Variants in GNG7 observed in about 807,000 individuals in gnomAD.
GNG7 encodes guanine nucleotide-binding protein G(I)/G(S)/G(O) subunit gamma-7.
GNG7 carries 1 observed loss-of-function variant against 4.0 expected under a neutral mutation model. The observed-to-expected ratio is 0.25, with a 90% confidence interval of 0.09 to 1.18. The LOEUF is 1.18. Among genes scored for constraint, GNG7 ranks in the 50% most tolerant of loss-of-function variants. GNG7 has a pLI of 0.50. For missense variants in GNG7, 86 were observed against 91.9 expected (o/e 0.94, Z 0.26); for synonymous variants, 34 against 36.9 (o/e 0.92, Z 0.29).
At chr19:2,547,670 G>C (rs187654697) in intron 3 of GNG7, among the ~76,000 whole-genome samples, 33 of 152,292 alleles carry the variant, frequency 2.2e-4, no homozygotes, top group African/African-American at 7.7e-4. Flanking sequence ...GCCAACCCCA[G>C]CACATCCCAG....
intron 2 of GNG7, among the ~76,000 whole-genome samples, chr19:2,565,833 G>T (rs1238046394): frequency 6.6e-6 from 1 of 152,280 alleles, no homozygotes; most frequent in Non-Finnish European, 1.5e-5. Context: ...TTCTGCAGGG[G>T]ACGGGCGGAA....
intron 1 of GNG7, among the ~76,000 whole-genome samples, chr19:2,669,749 C>A (rs900204238): frequency 2.0e-5 from 3 of 152,142 alleles, no homozygotes; most frequent in Non-Finnish European, 4.4e-5. Context: ...GCGGCTCATG[C>A]CTGTTATCCC....
intron 2 of GNG7, among the ~76,000 whole-genome samples, chr19:2,572,597 C>CT (rs372886442): frequency 0.12 from 16,125 of 132,804 alleles, 1,050 homozygotes; most frequent in East Asian, 0.2. Context: ...GCGCCCGGCC[C>CT]TTTTTTTTTT....
chr19:2,561,484 T>A (rs1303063764), intron 2 of GNG7, among the ~76,000 whole-genome samples: 2 of 152,060 alleles, frequency 1.3e-5, no homozygotes, highest in African/African-American at 4.8e-5. Context: ...CCTCCCCTTG[T>A]CCCTTCCTCT....
intron 2 of GNG7, among the ~76,000 whole-genome samples, chr19:2,612,855 G>A (rs1455315668): frequency 1.3e-5 from 2 of 151,752 alleles, no homozygotes; most frequent in Non-Finnish European, 2.9e-5. Flanking sequence ...ACCACACCCG[G>A]CTAATTTTGT....
chr19:2,538,452 C>T (rs537781092), intron 3 of GNG7: 15 of 294,526 alleles, frequency 5.1e-5, no homozygotes, highest in African/African-American at 1.3e-4. Flanking sequence ...GTGAGACCCC[C>T]GTCTCTGCAA....
intron 2 of GNG7, among the ~76,000 whole-genome samples, chr19:2,595,667 G>A (rs143276166): frequency 0.073 from 11,026 of 150,866 alleles, 1,014 homozygotes; most frequent in East Asian, 0.36. Flanking sequence ...CCCGGGAGGC[G>A]GAGCTTGCAG....
rs1448535332 is a variant in GNG7, at chr19:2,643,155, A to G, written c.-78+3069T>C. Reference sequence around the variant, plus strand: ...TCTGCACACCTTCCCACCCTGCACCATGTGCACCAGAAATGCAAAGTCGGA... The same window carrying G: ...TCTGCACACCTTCCCACCCTGCACCGTGTGCACCAGAAATGCAAAGTCGGA... On this transcript the variant is annotated intron_variant, in intron 2 of 4. Transcript: ENST00000382159. 32 of 441,726 alleles carry G rather than the reference A, an allele frequency of 7.2e-5. No homozygotes were observed. The East Asian group carries it at 1.1e-3, about 16-fold the overall frequency. The allele number at this position is 441,726 out of a possible 1,614,324, so 27.4% of individuals were successfully genotyped here.
chr19:2,675,733 T>C (rs553346996), intron 1 of GNG7, among the ~76,000 whole-genome samples: 46 of 152,038 alleles, frequency 3.0e-4, no homozygotes, highest in African/African-American at 1.1e-3. Context: ...TTTTCACGAT[T>C]GGGGGGAGCT....
At chr19:2,654,527 ACCT>A (rs1391753372) in intron 1 of GNG7, among the ~76,000 whole-genome samples, 1 of 150,756 alleles carries the variant, frequency 6.6e-6, no homozygotes, top group East Asian at 2.0e-4. Flanking sequence ...CCCCAGAAAG[ACCT>A]CCTCAGTTAG....
chr19:2,543,634 T>C lies in GNG7; in HGVS notation c.-38+11515A>G, dbSNP rs550026024. Among the ~76,000 whole-genome samples the C allele has an allele frequency of 5.4e-4, 82 of 152,290 alleles. 3 individuals carry two copies. The South Asian group carries it at 0.016, about 29-fold the overall frequency. On this transcript the variant is annotated intron_variant, in intron 3 of 4. Coordinates refer to ENST00000382159, the MANE Select transcript of GNG7 (RefSeq NM_052847.3). ...AAACCGTCCTCCCATGGCTGCTTCC[T>C]GTAAACCGGCTCCTAAGGCCAGCGG...
At chr19:2,519,876 T>A (rs1458109118) in intron 4 of GNG7, among the ~76,000 whole-genome samples, 1 of 152,052 alleles carries the variant, frequency 6.6e-6, no homozygotes, top group Non-Finnish European at 1.5e-5. Flanking sequence ...TCAAGTGTGA[T>A]CCTTGTAAAA....
rs1279065333 is a variant in GNG7 at position 2,568,741 on chromosome 19, C to T, written c.-77-13553G>A. 2.0e-5 allele frequency among the ~76,000 whole-genome samples: 3 copies of T among 151,300 alleles called. No homozygotes were observed. The Admixed American group carries it at 2.0e-4, about 10-fold the overall frequency. On this transcript the variant is annotated intron_variant, in intron 2 of 4. Transcript: ENST00000382159. ...ATACACATACAGACACATATACATACATACACACATACACACATACACATA... is the reference window on the plus strand; with the variant it reads ...ATACACATACAGACACATATACATATATACACACATACACACATACACATA...
intron 3 of GNG7, among the ~76,000 whole-genome samples, chr19:2,545,882 G>C (rs954507157): frequency 3.3e-5 from 5 of 152,114 alleles, no homozygotes; most frequent in Admixed American, 1.3e-4. Flanking sequence ...TTGAACCCGG[G>C]AGGTAAAGGT....
Position 2,513,251 on chromosome 19 carries a change from C to T in GNG7, c.*1771G>A, listed in dbSNP as rs1972681005. 1 of 569,698 alleles carries T rather than the reference C, an allele frequency of 1.8e-6. No homozygotes were observed. The highest frequency in any genetic ancestry group is 2.2e-6 in the Non-Finnish European group (1 of 450,286). 35.3% of individuals were successfully genotyped at this position (569,698 alleles called of 1,614,324 possible). A position where few individuals can be genotyped will look rare whatever the true frequency, so the allele number is the denominator to read the frequency against. ...GGGCCTGCACGGAGGACCTGGGCGGCCGTCCAGGAACCCTCTCGGCACGGG... is the reference window on the plus strand; with the variant it reads ...GGGCCTGCACGGAGGACCTGGGCGGTCGTCCAGGAACCCTCTCGGCACGGG... On this transcript the variant is annotated 3_prime_UTR_variant, in exon 5 of 5. Transcript: ENST00000382159.
chr19:2,680,581 T>C (rs1363575780), intron 1 of GNG7, among the ~76,000 whole-genome samples: 1 of 150,366 alleles, frequency 6.7e-6, no homozygotes, highest in East Asian at 1.9e-4. Flanking sequence ...ATTTTTTTTT[T>C]TTTTTTTTTT....
chr19:2,545,572 A>G (rs6510682), intron 3 of GNG7, among the ~76,000 whole-genome samples: 17,417 of 150,164 alleles, frequency 0.12, 1,156 homozygotes, highest in East Asian at 0.29. Flanking sequence ...AATTGCCTGA[A>G]CCTGGGAGGC....
intron 1 of GNG7, among the ~76,000 whole-genome samples, chr19:2,657,361 A>AAAAAATATATATATAT (rs1555701153): frequency 6.1e-5 from 1 of 16,336 alleles, no homozygotes; most frequent in Non-Finnish European, 1.0e-4. Flanking sequence ...AAAAAAAAAA[A>AAAAAATATATATATAT]ATATATATAT....
chr19:2,610,159 T>A (rs998867570), intron 2 of GNG7: 2 of 148,174 alleles, frequency 1.3e-5, no homozygotes, highest in Non-Finnish European at 2.9e-5. Flanking sequence ...ATTATTATTA[T>A]TAATTTTTTA....
Sources: allele counts gnomAD v4.1 joint callset (sites outside exome capture counted in the v4.1 genomes callset), GRCh38; gene constraint gnomAD v4.1.1; transcripts MANE v1.5; gene names NCBI Gene and HGNC (gene_info 2026-07-23, HGNC 2026-07-21).